TMEM132D: variants seen among roughly 807,000 people sequenced by gnomAD.
The protein encoded by TMEM132D is mature OL transmembrane protein.
TMEM132D carries 21 observed loss-of-function variants against 62.3 expected under a neutral mutation model. That is an observed-to-expected ratio of 0.34 (90% CI 0.24 to 0.49). The LOEUF is 0.49. Ranked by LOEUF, TMEM132D falls within the 20% of genes least tolerant of loss-of-function variation. The probability of loss-of-function intolerance (pLI) is 0.99; values close to 1 mark genes in which losing one functional copy is unlikely to be tolerated. For synonymous variants in TMEM132D, 621 were observed against 575.6 expected (o/e 1.08, Z -1.13); for missense variants, 1,346 against 1,402.8 (o/e 0.96, Z 0.65).
intron 8 of TMEM132D, among the ~76,000 whole-genome samples, chr12:129,077,324 G>T (rs369538822): frequency 6.6e-6 from 1 of 152,042 alleles, no homozygotes; most frequent in African/African-American, 2.4e-5. Flanking sequence ...ATATGGGCCG[G>T]AGGGATTCCA....
At position 129,285,058 on chromosome 12, in the gene TMEM132D, G is replaced by A. The variant is rs1318119861; in HGVS notation, c.1299+52576C>T. Among the ~76,000 whole-genome samples, 5 of 152,154 alleles carry A rather than the reference G, an allele frequency of 3.3e-5. No homozygotes were observed. In the East Asian group the frequency reaches 9.6e-4, roughly 29 times the overall value. On this transcript the variant is annotated intron_variant, in intron 4 of 8. Transcript: ENST00000422113. The stretch of plus-strand genomic sequence containing the variant: ...CTTCAATGTTAATTTGATGTTATTT[G>A]ACTTTCACCTCAATAAATTATATTT...
intron 2 of TMEM132D, among the ~76,000 whole-genome samples, chr12:129,596,946 G>A (rs1407130980): frequency 6.6e-6 from 1 of 152,164 alleles, no homozygotes; most frequent in African/African-American, 2.4e-5. Context: ...ATTTGATGAT[G>A]TGAAGAGAAC....
At chr12:129,790,393 GA>G (rs996188140) in intron 1 of TMEM132D, among the ~76,000 whole-genome samples, 23 of 152,258 alleles carry the variant, frequency 1.5e-4, no homozygotes, top group African/African-American at 5.3e-4. Context: ...AAATGTGGGG[GA>G]TTTTATTGCC....
intron 5 of TMEM132D, among the ~76,000 whole-genome samples, chr12:129,187,430 G>A (rs1878249422): frequency 6.6e-6 from 1 of 152,228 alleles, no homozygotes; most frequent in Admixed American, 6.5e-5. Context: ...GAGTCTGGGA[G>A]GACTTGGCTG....
chr12:129,090,722 G>A (rs937665801), intron 5 of TMEM132D, among the ~76,000 whole-genome samples: 1 of 152,092 alleles, frequency 6.6e-6, no homozygotes, highest in Non-Finnish European at 1.5e-5. Flanking sequence ...AGAAAATTGA[G>A]CCAACATTCA....
At position 129,272,480 on chromosome 12, in the gene TMEM132D, C is replaced by T. The variant is rs1880879737; in HGVS notation, c.1300-62817G>A. Among the ~76,000 whole-genome samples the T allele has an allele frequency of 2.0e-5, 3 of 151,842 alleles. No homozygotes were observed. In the South Asian group the frequency reaches 6.2e-4, roughly 31 times the overall value. ...TAATCTGAAATTCCACAAATTTTAA[C>T]AATGCAGTCCCATGAGGTTCTTGAT... is the stretch of plus-strand genomic sequence containing the variant. On this transcript the variant is annotated intron_variant, in intron 4 of 8. Coordinates refer to ENST00000422113, the MANE Select transcript of TMEM132D (RefSeq NM_133448.3).
intron 3 of TMEM132D, among the ~76,000 whole-genome samples, chr12:129,445,489 T>A (rs1873070825): frequency 6.6e-6 from 1 of 152,200 alleles, no homozygotes; most frequent in Non-Finnish European, 1.5e-5. Flanking sequence ...GGTACTAGAC[T>A]GTAAGCCTCT....
chr12:129,835,571 G>C (rs924945242), intron 1 of TMEM132D, among the ~76,000 whole-genome samples: 2 of 152,098 alleles, frequency 1.3e-5, no homozygotes, highest in Non-Finnish European at 2.9e-5. Context: ...GATTACAGGC[G>C]TGAGCTACCA....
intron 3 of TMEM132D, among the ~76,000 whole-genome samples, chr12:129,385,444 T>C (rs1031003733): frequency 6.6e-6 from 1 of 152,126 alleles, no homozygotes; most frequent in Non-Finnish European, 1.5e-5. Flanking sequence ...ATACATTTAC[T>C]AGGACACTTA....
chr12:129,793,562 T>C (rs1336312828), intron 1 of TMEM132D, among the ~76,000 whole-genome samples: 2 of 152,138 alleles, frequency 1.3e-5, no homozygotes, highest in Non-Finnish European at 2.9e-5. Context: ...TTTGTAGAGA[T>C]GAGGTTTTGC....
chr12:129,150,765 G>T (rs922191903), intron 5 of TMEM132D, among the ~76,000 whole-genome samples: 1 of 152,230 alleles, frequency 6.6e-6, no homozygotes, highest in Non-Finnish European at 1.5e-5. Flanking sequence ...CACTTCTTTC[G>T]TTCAGTGTCC....
intron 2 of TMEM132D, among the ~76,000 whole-genome samples, chr12:129,558,144 G>A (rs1424646614): frequency 6.6e-6 from 1 of 152,128 alleles, no homozygotes; most frequent in Non-Finnish European, 1.5e-5. Context: ...ATAGGGACAG[G>A]CAAGAATCCA....
intron 4 of TMEM132D, among the ~76,000 whole-genome samples, chr12:129,322,096 C>T (rs1240403975): frequency 6.6e-6 from 1 of 151,854 alleles, no homozygotes; most frequent in East Asian, 1.9e-4. Flanking sequence ...TTCTCATCTG[C>T]AAAATAGCCA....
At chr12:129,747,957 C>T (rs138974962) in intron 1 of TMEM132D, among the ~76,000 whole-genome samples, 2 of 152,310 alleles carry the variant, frequency 1.3e-5, no homozygotes, top group South Asian at 2.1e-4. Context: ...ACAGGCGACG[C>T]GTATTTGCTT....
At chr12:129,852,742 A>T (rs1873587428) in intron 1 of TMEM132D, 1 of 152,056 alleles carries the variant, frequency 6.6e-6, no homozygotes, top group African/African-American at 2.4e-5. Context: ...ACAAGGTTTC[A>T]TTCATGACCC....
At chr12:129,444,664 G>A (rs985779683) in intron 3 of TMEM132D, among the ~76,000 whole-genome samples, 1 of 151,964 alleles carries the variant, frequency 6.6e-6, no homozygotes, top group East Asian at 1.9e-4. Flanking sequence ...CTCTTTGTCC[G>A]TGTATTCTCA....
At chr12:129,135,076 G>C (rs1876519301) in intron 5 of TMEM132D, among the ~76,000 whole-genome samples, 1 of 152,166 alleles carries the variant, frequency 6.6e-6, no homozygotes, top group African/African-American at 2.4e-5. Flanking sequence ...TACCCCCTAT[G>C]ATATGGAAAA....
intron 2 of TMEM132D, among the ~76,000 whole-genome samples, chr12:129,636,396 AAC>A (rs1460887523): frequency 6.6e-6 from 1 of 152,144 alleles, no homozygotes; most frequent in Admixed American, 6.6e-5. Flanking sequence ...CATTGCTACA[AAC>A]AGTTTGTTTT....
intron 1 of TMEM132D, among the ~76,000 whole-genome samples, chr12:129,821,009 T>G (rs1872528564): frequency 6.6e-6 from 1 of 152,222 alleles, no homozygotes; most frequent in South Asian, 2.1e-4. Flanking sequence ...CTCAACCACC[T>G]CTCTTCATTT....
Sources: allele counts gnomAD v4.1 joint callset (sites outside exome capture counted in the v4.1 genomes callset), GRCh38; gene constraint gnomAD v4.1.1; transcripts MANE v1.5; gene names NCBI Gene and HGNC (gene_info 2026-07-23, HGNC 2026-07-21).